MACF1: variants seen among roughly 807,000 people sequenced by gnomAD.
The protein encoded by MACF1 is microtubule-actin cross-linking factor 1.
In MACF1, 193 loss-of-function variants were observed where a neutral mutation model predicts 854.8. The observed-to-expected ratio is 0.23, with a 90% CI of 0.20 to 0.25. The LOEUF is 0.25. Among genes scored for constraint, MACF1 ranks in the 10% least tolerant of loss-of-function variants. The probability of loss-of-function intolerance (pLI) is 1.00; values close to 1 mark genes in which losing one functional copy is unlikely to be tolerated. For missense variants in MACF1, 7,722 were observed against 8,929.1 expected (o/e 0.86, Z 5.45); for synonymous variants, 3,185 against 3,226.7 (o/e 0.99, Z 0.44).
intron 49 of MACF1, among the ~76,000 whole-genome samples, chr1:39,363,987 A>AT (rs1648450421): frequency 6.6e-6 from 1 of 152,060 alleles, no homozygotes; most frequent in Admixed American, 6.6e-5. Flanking sequence ...AGCTGTGTGT[A>AT]TTTTTTCCCA....
chr1:39,405,444 G>C (rs928358520), intron 58 of MACF1, among the ~76,000 whole-genome samples: 6 of 152,216 alleles, frequency 3.9e-5, no homozygotes, highest in African/African-American at 1.2e-4. Context: ...TGGGTGATAA[G>C]GCATCATAGA....
chr1:39,423,596 G>C (rs922516848), intron 60 of MACF1, among the ~76,000 whole-genome samples: 1 of 144,420 alleles, frequency 6.9e-6, no homozygotes, highest in South Asian at 2.2e-4. Context: ...GATCGAGCCA[G>C]TGCACTCCAG....
chr1:39,086,903 G>A (rs532557586), intron 2 of MACF1, among the ~76,000 whole-genome samples: 7 of 152,328 alleles, frequency 4.6e-5, no homozygotes, highest in African/African-American at 1.4e-4. Context: ...GGGCCAGTGA[G>A]GCTGAAAATG....
intron 23 of MACF1, among the ~76,000 whole-genome samples, chr1:39,308,195 C>T (rs1176369612): frequency 2.6e-5 from 4 of 152,140 alleles, no homozygotes; most frequent in Admixed American, 2.0e-4. Context: ...TGAGCCACCA[C>T]GCCAGCCTTA....
chr1:39,483,604 A>G (rs973006897), intron 99 of MACF1, among the ~76,000 whole-genome samples: 4 of 152,174 alleles, frequency 2.6e-5, no homozygotes, highest in Admixed American at 6.5e-5. Flanking sequence ...ATGAAGTCAA[A>G]GAGGCAGGAT....
chr1:39,231,067 C>T, intron 1 of MACF1, 115 bp from the exon 2 acceptor site: 1 of 800,028 alleles, frequency 1.2e-6, no homozygotes, highest in Non-Finnish European at 2.2e-6. Context: ...GTCACTGTCC[C>T]ACAGTTATGT....
At chr1:39,355,574 C>T (rs754948411) in intron 44 of MACF1, among the ~76,000 whole-genome samples, 5 of 140,678 alleles carry the variant, frequency 3.6e-5, no homozygotes, top group Non-Finnish European at 7.6e-5. Context: ...TCAAGCCATT[C>T]TCCTCCTCAG....
At chr1:39,377,786 C>T (rs1649850911) in intron 52 of MACF1, among the ~76,000 whole-genome samples, 1 of 152,096 alleles carries the variant, frequency 6.6e-6, no homozygotes, top group Non-Finnish European at 1.5e-5. Flanking sequence ...GGCAGATCAC[C>T]TGAGGTCGGG....
intron 6 of MACF1, among the ~76,000 whole-genome samples, chr1:39,277,365 TAC>T (rs1645457769): frequency 6.6e-6 from 1 of 152,326 alleles, no homozygotes; most frequent in East Asian, 1.9e-4. Flanking sequence ...GTTTGAATAA[TAC>T]AGTTTTTTGA....
intron 70 of MACF1, 81 bp downstream of exon 70, chr1:39,435,842 G>C: frequency 8.0e-7 from 1 of 1,257,238 alleles, no homozygotes; most frequent in Non-Finnish European, 1.1e-6. Flanking sequence ...ATGTCTCTGT[G>C]CTCAGGAATG....
intron 54 of MACF1, 27 bp downstream of exon 54, chr1:39,379,471 C>A: frequency 6.3e-7 from 1 of 1,589,720 alleles, no homozygotes; most frequent in South Asian, 1.2e-5. Flanking sequence ...AGTTGCCTCC[C>A]AACACCAAGA....
At chr1:39,117,533 GGTGTGTGTGT>G (rs67609869) in intron 2 of MACF1, among the ~76,000 whole-genome samples, 2 of 147,618 alleles carry the variant, frequency 1.4e-5, no homozygotes, top group African/African-American at 2.5e-5. Context: ...ACCTGCAAGA[GGTGTGTGTGT>G]GTGTGTGTGT....
At chr1:39,385,399 C>A in intron 56 of MACF1, 35 bp from the exon 57 acceptor site, 1 of 1,599,322 alleles carries the variant, frequency 6.3e-7, no homozygotes, top group South Asian at 1.1e-5. Context: ...CTGTTTTTTT[C>A]CTGTCTAAAC....
Position 39,084,494 on chromosome 1 carries a change from AG to A in MACF1, c.220+59del. The A allele has an allele frequency of 6.7e-7, 1 of 1,484,086 alleles. No homozygotes were observed. The highest frequency in any genetic ancestry group is 9.2e-7 in the Non-Finnish European group (1 of 1,091,068). 91.9% of individuals were successfully genotyped at this position (1,484,086 alleles called of 1,614,324 possible). A position where few individuals can be genotyped will look rare whatever the true frequency, so the allele number is the denominator to read the frequency against. On this transcript the variant is annotated intron_variant, in intron 2 of 93. Coordinates refer to the MACF1 transcript ENST00000361689. The surrounding 1 kb of genome is among the most constrained non-coding windows in gnomAD (Gnocchi z 5.2). ...TGTGGGTGTGAGGGAGGAATGGGCCAGGGCACAGCAGCTGTGTGGGGAGCCG... is the reference window on the plus strand; with the variant it reads ...TGTGGGTGTGAGGGAGGAATGGGCCAGGCACAGCAGCTGTGTGGGGAGCCG...
In MACF1 at chr1:39,158,477, T is replaced by C. The variant is rs145516991; in HGVS notation, c.221-72705T>C. 8.5e-5 allele frequency among the ~76,000 whole-genome samples: 13 copies of C among 152,344 alleles called. No individual in the cohort carries two copies. The East Asian group carries it at 2.5e-3, about 29-fold the overall frequency. On this transcript the variant is annotated intron_variant, in intron 2 of 93. Transcript: ENST00000361689. ...TAAAACTTGTCTCATTGCCATGTAATATTTGCTCAAGAGCTCCTGTTGTGG... is the reference window on the plus strand; with the variant it reads ...TAAAACTTGTCTCATTGCCATGTAACATTTGCTCAAGAGCTCCTGTTGTGG...
At chr1:39,405,261 A>G (rs1042329042) in intron 58 of MACF1, among the ~76,000 whole-genome samples, 2 of 152,224 alleles carry the variant, frequency 1.3e-5, no homozygotes, top group African/African-American at 4.8e-5. Flanking sequence ...CTGATGCCCA[A>G]CAGGTACAGA....
intron 2 of MACF1, among the ~76,000 whole-genome samples, chr1:39,178,188 T>TC (rs1301636713): frequency 1.3e-5 from 2 of 151,198 alleles, no homozygotes; most frequent in East Asian, 1.9e-4. Flanking sequence ...ATTCTTTTTT[T>TC]TTTTTTTTTG....
At position 39,357,690 on chromosome 1, in the gene MACF1, C is replaced by T. The variant is rs749494935; in HGVS notation, c.11740C>T (p.Pro3914Ser). Residue 3914 changes from proline (P) to serine (S), a missense_variant, in exon 45 of 101, where the codon CCC (proline) becomes TCC (serine). By Grantham distance (74) the Pro-to-Ser change is moderately conservative. This residue lies in a region of MACF1 where 2,807 missense variants were observed against 3,235.8 expected (regional missense o/e 0.87). Coordinates refer to ENST00000564288, the MANE Select transcript of MACF1 (RefSeq NM_001394062.1). ...HKGGSSPETLPSLLKRQGSFS... is the reference protein window; with the variant it reads ...HKGGSSPETLSSLLKRQGSFS... ...GGGAGGCAGCAGCCCCGAGACCCTTCCCTCCCTGCTAAAGCGGCAAGGAAG... is the reference window on the plus strand; with the variant it reads ...GGGAGGCAGCAGCCCCGAGACCCTTTCCTCCCTGCTAAAGCGGCAAGGAAG... 3 of 1,614,166 alleles carry T rather than the reference C, an allele frequency of 1.9e-6. No homozygotes were observed. Among genetic ancestry groups the T allele is most frequent in the Non-Finnish European group, 2.5e-6 (3 of 1,180,036 alleles).
chr1:39,373,504 T>C (rs1259910485), intron 52 of MACF1: 4 of 133,952 alleles, frequency 3.0e-5, no homozygotes. Context: ...AAAAAAAAGT[T>C]GGGAAAGCCT....
Sources: allele counts gnomAD v4.1 joint callset (sites outside exome capture counted in the v4.1 genomes callset), GRCh38; gene constraint gnomAD v4.1.1; regional missense constraint gnomAD v4.1.1; non-coding constraint Gnocchi (gnomAD v3.1); transcripts MANE v1.5; gene names NCBI Gene and HGNC (gene_info 2026-07-23, HGNC 2026-07-21).